Variants in ATP8B4 observed in about 807,000 individuals in gnomAD.
The protein encoded by ATP8B4 is ATPase phospholipid transporting 8B4 (putative).
In ATP8B4, 133 loss-of-function variants were observed where a neutral mutation model predicts 145.6. The observed-to-expected ratio is 0.91, with a 90% CI of 0.79 to 1.05. The LOEUF is 1.05. Ranked by LOEUF, ATP8B4 falls within the 50% of genes least tolerant of loss-of-function variation. ATP8B4 has a pLI of 0.00. For synonymous variants in ATP8B4, 507 were observed against 492.9 expected (o/e 1.03, Z -0.38); for missense variants, 1,458 against 1,425.2 (o/e 1.02, Z -0.37).
chr15:49,950,452 T>G (rs1190266155), intron 14 of ATP8B4, among the ~76,000 whole-genome samples: 1 of 151,440 alleles, frequency 6.6e-6, no homozygotes, highest in African/African-American at 2.4e-5. Context: ...AGTGTAGAGG[T>G]GTTTATAGTA....
chr15:50,138,870 G>T (rs2044168098), intron 1 of ATP8B4, among the ~76,000 whole-genome samples: 1 of 152,148 alleles, frequency 6.6e-6, no homozygotes, highest in Non-Finnish European at 1.5e-5. Context: ...AGTCAAAGTA[G>T]CATGATAGGA....
intron 26 of ATP8B4, among the ~76,000 whole-genome samples, chr15:49,862,829 C>G (rs548964729): frequency 1.3e-5 from 2 of 152,154 alleles, no homozygotes; most frequent in Admixed American, 1.3e-4. Context: ...GTGCTAAGAT[C>G]ACCCTCAGGA....
In ATP8B4 at chr15:49,862,465, T is replaced by C. The variant is rs1337312745; in HGVS notation, c.3167-90A>G. ...TTCTTTGTTCCTACAAGATCTTTTTTTTTTTTGAGATGGAGTCTTGCTCTG... is the reference window on the plus strand; with the variant it reads ...TTCTTTGTTCCTACAAGATCTTTTTCTTTTTTGAGATGGAGTCTTGCTCTG... On this transcript the variant is annotated intron_variant, in intron 26 of 27. Transcript: ENST00000284509. 6 of 1,422,838 alleles carry C rather than the reference T, an allele frequency of 4.2e-6. No homozygotes were observed. In the Admixed American group the frequency reaches 1.3e-4, roughly 30 times the overall value. 88.1% of individuals were successfully genotyped at this position (1,422,838 alleles called of 1,614,324 possible). A position where few individuals can be genotyped will look rare whatever the true frequency, so the allele number is the denominator to read the frequency against.
At chr15:50,010,246 G>A (rs1203694536) in intron 7 of ATP8B4, among the ~76,000 whole-genome samples, 2 of 151,928 alleles carry the variant, frequency 1.3e-5, no homozygotes, top group Non-Finnish European at 2.9e-5. Context: ...ATAGTTAGTT[G>A]CATATATTTT....
intron 9 of ATP8B4, among the ~76,000 whole-genome samples, chr15:49,995,402 A>C (rs150554887): frequency 1.2e-4 from 18 of 152,328 alleles, no homozygotes; most frequent in African/African-American, 4.3e-4. Context: ...TTCATTGAAA[A>C]AATTACTTAG....
At chr15:50,067,334 T>C (rs1191959413) in intron 3 of ATP8B4, among the ~76,000 whole-genome samples, 1 of 152,154 alleles carries the variant, frequency 6.6e-6, no homozygotes, top group African/African-American at 2.4e-5. Context: ...AAACTCTCTT[T>C]TTAAATAGTC....
At chr15:49,993,705 C>T (rs1008146356) in intron 9 of ATP8B4, among the ~76,000 whole-genome samples, 5 of 152,090 alleles carry the variant, frequency 3.3e-5, no homozygotes, top group African/African-American at 1.2e-4. Context: ...CCATAAAACT[C>T]CCTGTTGCCT....
intron 26 of ATP8B4, among the ~76,000 whole-genome samples, chr15:49,865,380 C>T (rs1169444129): frequency 6.6e-6 from 1 of 152,154 alleles, no homozygotes; most frequent in Admixed American, 6.5e-5. Flanking sequence ...TATAGTAAAC[C>T]AGTAAATGGG....
At chr15:50,032,454 T>C (rs555215068) in intron 6 of ATP8B4, among the ~76,000 whole-genome samples, 3 of 152,330 alleles carry the variant, frequency 2.0e-5, no homozygotes, top group South Asian at 4.1e-4. Flanking sequence ...TTTGGGTTGG[T>C]TCCAAGTTTT....
intron 1 of ATP8B4, among the ~76,000 whole-genome samples, chr15:50,139,115 G>A (rs1320908061): frequency 1.3e-5 from 2 of 152,122 alleles, no homozygotes; most frequent in Non-Finnish European, 2.9e-5. Context: ...ATAAATCATT[G>A]TACTAAAAAG....
At chr15:49,865,192 T>C (rs1358594502) in intron 26 of ATP8B4, among the ~76,000 whole-genome samples, 1 of 152,182 alleles carries the variant, frequency 6.6e-6, no homozygotes, top group Non-Finnish European at 1.5e-5. Context: ...CAGTCATGCC[T>C]ATATAAAAAA....
At chr15:50,094,078 A>C (rs778192507) in intron 2 of ATP8B4, among the ~76,000 whole-genome samples, 18 of 152,142 alleles carry the variant, frequency 1.2e-4, no homozygotes, top group Non-Finnish European at 1.8e-4. Context: ...TTTGTGTGTC[A>C]ACTTGACTGG....
chr15:50,072,932 C>G (rs2053854990), intron 3 of ATP8B4, among the ~76,000 whole-genome samples: 1 of 14,144 alleles, frequency 7.1e-5, no homozygotes, highest in African/African-American at 2.8e-4. Context: ...CTCTCTCTCT[C>G]TCTCTCTCTC....
intron 23 of ATP8B4, chr15:49,880,788 T>G (rs992890098): frequency 6.6e-6 from 1 of 151,210 alleles, no homozygotes; most frequent in African/African-American, 2.4e-5. Flanking sequence ...TCCAATGACA[T>G]GCTGATAAAT....
chr15:50,069,919 T>C (rs189871834), intron 3 of ATP8B4, among the ~76,000 whole-genome samples: 8 of 152,284 alleles, frequency 5.3e-5, no homozygotes, highest in East Asian at 3.9e-4. Flanking sequence ...TGGTACACAG[T>C]TGGGTTCAAG....
chr15:50,170,079 G>C (rs1312646256), intron 1 of ATP8B4, among the ~76,000 whole-genome samples: 3 of 152,080 alleles, frequency 2.0e-5, no homozygotes, highest in East Asian at 3.8e-4. Flanking sequence ...AGGAAGAAGA[G>C]AATTCTAAAA....
chr15:50,082,140 T>A (rs1028685536), intron 2 of ATP8B4, among the ~76,000 whole-genome samples: 1 of 152,174 alleles, frequency 6.6e-6, no homozygotes, highest in Non-Finnish European at 1.5e-5. Flanking sequence ...ATCTGGTCCA[T>A]GTAGTTGGAA....
chr15:50,121,414 T>C (rs1260708995), upstream of ATP8B4, among the ~76,000 whole-genome samples: 1 of 152,128 alleles, frequency 6.6e-6, no homozygotes, highest in Non-Finnish European at 1.5e-5. Context: ...AGATGGATAA[T>C]GGTGATAGTT....
At chr15:50,083,873 G>T (rs2054721233) in intron 2 of ATP8B4, among the ~76,000 whole-genome samples, 2 of 152,182 alleles carry the variant, frequency 1.3e-5, no homozygotes, top group South Asian at 4.1e-4. Flanking sequence ...AGCTAGAATA[G>T]CTAGTCAGCA....
Sources: gnomAD v4.1 joint callset for allele counts (sites outside exome capture counted in the v4.1 genomes callset) on GRCh38, gnomAD v4.1.1 for gene constraint, MANE v1.5 for transcripts, NCBI Gene and HGNC (gene_info 2026-07-23, HGNC 2026-07-21) for gene names.